KCTD10: variants seen among roughly 807,000 people sequenced by gnomAD.
KCTD10 encodes the protein BTB/POZ domain-containing adapter for CUL3-mediated RhoA degradation protein 3.
Under a neutral mutation model 34.6 loss-of-function variants are expected in KCTD10, and 13 were observed. The observed-to-expected ratio is 0.38, with a 90% CI of 0.24 to 0.60. The LOEUF (loss-of-function observed/expected upper bound fraction) is 0.60. Ranked by LOEUF, KCTD10 falls within the 20% of genes least tolerant of loss-of-function variation. KCTD10 has a pLI of 0.66. For missense variants in KCTD10, 256 were observed against 420.3 expected (o/e 0.61, Z 3.42); for synonymous variants, 156 against 168.8 (o/e 0.92, Z 0.59).
intron 3 of KCTD10, chr12:109,459,183 T>TG (rs34714183): frequency 0.57 from 86,944 of 151,996 alleles, 25,844 homozygotes; most frequent in African/African-American, 0.73. Context: ...AAAAGGCTCC[T>TG]GAAGTTAGAA....
At chr12:109,471,866 A>G (rs982820574) in intron 1 of KCTD10, among the ~76,000 whole-genome samples, 1 of 152,236 alleles carries the variant, frequency 6.6e-6, no homozygotes, top group African/African-American at 2.4e-5. Context: ...GCCTATCATG[A>G]AACAGACAAA....
chr12:109,460,543 A>C lies in KCTD10; in HGVS notation c.387+93T>G, dbSNP rs570331098. On this transcript the variant is annotated intron_variant, in intron 3 of 6. Coordinates refer to ENST00000228495, the MANE Select transcript of KCTD10 (RefSeq NM_031954.5). The surrounding 1 kb of genome is among the most constrained non-coding windows in gnomAD (Gnocchi z 4.5). ...AACTCTCACAACATCTCAGTCAGAC[A>C]GAAACTGCCCCCATTTTGCAGAGAG... The C allele has an allele frequency of 1.9e-5, 25 of 1,349,398 alleles. 1 individual carries two copies. The South Asian group carries it at 3.3e-4, about 18-fold the overall frequency. 83.6% of individuals were successfully genotyped at this position (1,349,398 alleles called of 1,614,324 possible). A position where few individuals can be genotyped will look rare whatever the true frequency, so the allele number is the denominator to read the frequency against.
chr12:109,456,609 T>G, intron 5 of KCTD10: 1 of 433,162 alleles, frequency 2.3e-6, no homozygotes, highest in Non-Finnish European at 4.3e-6. Context: ...AGTGACAGCC[T>G]CTGGGCACAG....
In KCTD10 at chr12:109,450,895, A is replaced by G. The variant is rs11540748; in HGVS notation, c.*700T>C. The G allele has an allele frequency of 0.053, 8,166 of 152,868 alleles. 303 individuals carry two copies. The highest frequency in any genetic ancestry group is 0.082 in the Non-Finnish European group (5,626 of 68,462). 9.5% of individuals were successfully genotyped at this position (152,868 alleles called of 1,614,324 possible). A position where few individuals can be genotyped will look rare whatever the true frequency, so the allele number is the denominator to read the frequency against. The stretch of plus-strand genomic sequence containing the variant: ...GGTCCCAGTGAGCACCAGGCCAAAG[A>G]CCAGCCCAAGGTGGCAAAAGGCTTG... On this transcript the variant is annotated 3_prime_UTR_variant, in exon 7 of 7. Coordinates refer to ENST00000228495, the MANE Select transcript of KCTD10 (RefSeq NM_031954.5).
chr12:109,475,420 T>C (rs1024081988), intron 1 of KCTD10, among the ~76,000 whole-genome samples: 3 of 152,148 alleles, frequency 2.0e-5, no homozygotes, highest in Non-Finnish European at 4.4e-5. Context: ...GAGGCTTTAG[T>C]GAGCCAAGAT....
rs755564852 is a variant in KCTD10 at position 109,456,386 on chromosome 12, G to A, written c.528-73C>T. The stretch of plus-strand genomic sequence containing the variant: ...CATCATTTGCTGGGCCCTTCTACAC[G>A]CAGGGCCCTACTGAGCCCACTTTCT... On this transcript the variant is annotated intron_variant, in intron 5 of 6. Coordinates refer to ENST00000228495, the MANE Select transcript of KCTD10 (RefSeq NM_031954.5). 38 of 1,377,930 alleles carry A rather than the reference G, an allele frequency of 2.8e-5. No homozygotes were observed. The East Asian group carries it at 4.3e-4, about 16-fold the overall frequency. 85.4% of individuals were successfully genotyped at this position (1,377,930 alleles called of 1,614,324 possible).
chr12:109,469,860 T>C, intron 1 of KCTD10, 132 bp from the exon 2 acceptor site: 1 of 1,445,000 alleles, frequency 6.9e-7, no homozygotes, highest in Non-Finnish European at 9.1e-7. Flanking sequence ...TTGCTTCCAA[T>C]GTGGACAACT....
intron 1 of KCTD10, 56 bp from the exon 2 acceptor site, chr12:109,469,784 C>A: frequency 6.3e-7 from 1 of 1,596,970 alleles, no homozygotes; most frequent in Non-Finnish European, 8.6e-7. Context: ...CTGCTTTCAG[C>A]CTGTGGATTC....
intron 2 of KCTD10, among the ~76,000 whole-genome samples, chr12:109,467,477 C>T (rs1450092692): frequency 1.3e-5 from 2 of 152,084 alleles, no homozygotes; most frequent in Non-Finnish European, 1.5e-5. Context: ...TAAAAATTAG[C>T]TGTGTTTGGT....
intron 6 of KCTD10, among the ~76,000 whole-genome samples, chr12:109,452,854 T>TTTTTTTTTTTTTA (rs1228946105): frequency 6.6e-5 from 10 of 151,152 alleles, no homozygotes; most frequent in African/African-American, 2.2e-4. Flanking sequence ...CCTTTTTTTT[T>TTTTTTTTTTTTTA]AAAAGATATG....
At chr12:109,469,979 G>A in intron 1 of KCTD10, 1 of 1,215,880 alleles carries the variant, frequency 8.2e-7, no homozygotes, top group East Asian at 3.1e-5. Context: ...ATGACCCCTA[G>A]AGAGGGCCAT....
At chr12:109,452,527 G>A (rs1166191902) in intron 6 of KCTD10, among the ~76,000 whole-genome samples, 3 of 152,220 alleles carry the variant, frequency 2.0e-5, no homozygotes, top group Non-Finnish European at 2.9e-5. Flanking sequence ...CTTTCAGGGT[G>A]GAATTCGGAG....
chr12:109,470,463 T>C, intron 1 of KCTD10: 2 of 985,452 alleles, frequency 2.0e-6, no homozygotes, highest in Non-Finnish European at 2.4e-6. Context: ...AAGAAATGGA[T>C]ACAGTGGCTG....
intron 1 of KCTD10, among the ~76,000 whole-genome samples, chr12:109,474,397 T>A (rs1874046099): frequency 6.6e-6 from 1 of 152,170 alleles, no homozygotes; most frequent in Non-Finnish European, 1.5e-5. Flanking sequence ...CTCTCTTCTC[T>A]CCATCTCCCC....
intron 1 of KCTD10, among the ~76,000 whole-genome samples, chr12:109,474,917 T>C (rs1276298814): frequency 6.6e-6 from 1 of 152,172 alleles, no homozygotes; most frequent in African/African-American, 2.4e-5. Context: ...GTGTGTGTGT[T>C]AAGGAAAACG....
chr12:109,457,575 TG>T lies in KCTD10; in HGVS notation c.527+54del, dbSNP rs1298554056. The T allele has an allele frequency of 2.7e-6, 4 of 1,501,284 alleles. No individual in the cohort carries two copies. The Admixed American group carries it at 6.7e-5, about 25-fold the overall frequency. 93.0% of individuals were successfully genotyped at this position (1,501,284 alleles called of 1,614,324 possible). A position where few individuals can be genotyped will look rare whatever the true frequency, so the allele number is the denominator to read the frequency against. ...ACGAAGAAGAGCTGGGCCTGGCTGGTGTGAGTGGAGGTTTTCCTAGTAAATG... is the reference window on the plus strand; with the variant it reads ...ACGAAGAAGAGCTGGGCCTGGCTGGTTGAGTGGAGGTTTTCCTAGTAAATG... On this transcript the variant is annotated intron_variant, in intron 5 of 6. Transcript: ENST00000228495.
intron 2 of KCTD10, among the ~76,000 whole-genome samples, chr12:109,461,303 C>G (rs1873313460): frequency 6.6e-6 from 1 of 152,248 alleles, no homozygotes. Context: ...TGACCTCTGA[C>G]TCCCAAGGCT....
At chr12:109,453,350 C>T (rs1465636310) in intron 6 of KCTD10, among the ~76,000 whole-genome samples, 1 of 151,844 alleles carries the variant, frequency 6.6e-6, no homozygotes. Flanking sequence ...CCACCATGCC[C>T]AGCTATTTTT....
In KCTD10 at chr12:109,451,546, G is replaced by T; in HGVS notation, c.*49C>A. The stretch of plus-strand genomic sequence containing the variant: ...CCTGCACAGGATCTGGGTGTAGCAC[G>T]GCAGGGAGTGGGGGCGGTGAGAGGA... On this transcript the variant is annotated 3_prime_UTR_variant, in exon 7 of 7. Transcript: ENST00000228495. This position sits in a 1 kb window ranked among gnomAD's most constrained non-coding sequence, Gnocchi z 5.0. 4 of 1,539,894 alleles carry T rather than the reference G, an allele frequency of 2.6e-6. No individual in the cohort carries two copies. The highest frequency in any genetic ancestry group is 3.5e-6 in the Non-Finnish European group (4 of 1,132,634).
Sources: gnomAD v4.1 joint callset for allele counts (sites outside exome capture counted in the v4.1 genomes callset) on GRCh38, gnomAD v4.1.1 for gene constraint, Gnocchi (gnomAD v3.1) non-coding constraint, MANE v1.5 for transcripts, NCBI Gene and HGNC (gene_info 2026-07-23, HGNC 2026-07-21) for gene names.